Variants in AKT3 observed in about 807,000 individuals in gnomAD.
AKT3 encodes the protein AKT serine/threonine kinase 3.
AKT3 carries 15 observed loss-of-function variants against 65.3 expected under a neutral mutation model. The observed-to-expected ratio is 0.23, with a 90% CI of 0.15 to 0.35. The LOEUF is 0.35. AKT3 is among the 10% of genes least tolerant of loss of function. The pLI is 1.00. For synonymous variants in AKT3, 206 were observed against 183.8 expected, an observed-to-expected ratio of 1.12 and a Z score of -0.98; for missense variants, 243 against 576.5, an observed-to-expected ratio of 0.42 and a Z score of 5.92.
intron 2 of AKT3, among the ~76,000 whole-genome samples, chr1:243,784,050 A>G (rs1691088376): frequency 6.6e-6 from 1 of 152,222 alleles, no homozygotes; most frequent in Non-Finnish European, 1.5e-5. Context: ...GAGACAGCCA[A>G]CAAAAATATA....
intron 2 of AKT3, among the ~76,000 whole-genome samples, chr1:243,709,901 C>T (rs903130663): frequency 4.0e-5 from 6 of 151,854 alleles, no homozygotes; most frequent in African/African-American, 4.8e-5. Context: ...ACAAACTTCA[C>T]GATTTATGCT....
intron 2 of AKT3, among the ~76,000 whole-genome samples, chr1:243,700,784 G>A (rs1041426948): frequency 2.0e-5 from 3 of 152,204 alleles, no homozygotes; most frequent in Non-Finnish European, 4.4e-5. Context: ...TTACAGGCGT[G>A]AGCCACTGCG....
chr1:243,791,830 T>C (rs1246867758), intron 2 of AKT3, among the ~76,000 whole-genome samples: 1 of 152,234 alleles, frequency 6.6e-6, no homozygotes, highest in Non-Finnish European at 1.5e-5. Flanking sequence ...TGAATCAACA[T>C]GTTTATCTGC....
At position 243,512,432 on chromosome 1, in the gene AKT3, AAAAG is replaced by A; in HGVS notation, c.1252-10_1252-7del. The A allele has an allele frequency of 1.4e-6, 2 of 1,473,352 alleles. No individual in the cohort carries two copies. The highest frequency in any genetic ancestry group is 1.9e-6 in the Non-Finnish European group (2 of 1,077,560). 91.3% of individuals were successfully genotyped at this position (1,473,352 alleles called of 1,614,324 possible). On this transcript the variant is annotated splice_region_variant and splice_polypyrimidine_tract_variant and intron_variant, in intron 12 of 13. Coordinates refer to ENST00000673466, the MANE Select transcript of AKT3 (RefSeq NM_005465.7). ...GGTTTAAAAGGAGGTACAAGCTGTA[AAAAG>A]AAAGAAAAAGAGTTTTATTAACTGA... is the stretch of plus-strand genomic sequence containing the variant.
At chr1:243,507,594 A>G (rs1214854416) in intron 13 of AKT3, among the ~76,000 whole-genome samples, 2 of 152,226 alleles carry the variant, frequency 1.3e-5, no homozygotes, top group Non-Finnish European at 2.9e-5. Flanking sequence ...AATGTACACA[A>G]GTTAGTTCCT....
At chr1:243,540,150 G>T (rs989572499) in intron 12 of AKT3, among the ~76,000 whole-genome samples, 1 of 152,108 alleles carries the variant, frequency 6.6e-6, no homozygotes, top group Admixed American at 6.6e-5. Context: ...TTTAGGAAAA[G>T]AAGATGACAT....
rs918344063 is a variant in AKT3 at position 243,505,240 on chromosome 1, G to GA, written c.*8dup. 1 of 1,609,306 alleles carries GA rather than the reference G, an allele frequency of 6.2e-7. No homozygotes were observed. Among genetic ancestry groups the GA allele is most frequent in the African/African-American group, 1.3e-5 (1 of 74,826 alleles). ...GAAGATGACAGTGAAGTAGCAGAAT[G>GA]AAAGAGACTTATTCTCGTCCACTTG... is the stretch of plus-strand genomic sequence containing the variant. On this transcript the variant is annotated 3_prime_UTR_variant, in exon 14 of 14. Transcript: ENST00000673466.
At chr1:243,526,958 T>G (rs1176157844) in intron 12 of AKT3, among the ~76,000 whole-genome samples, 1 of 151,980 alleles carries the variant, frequency 6.6e-6, no homozygotes, top group African/African-American at 2.4e-5. Context: ...AGTGTATACT[T>G]TAAAGGGTGA....
intron 3 of AKT3, among the ~76,000 whole-genome samples, chr1:243,685,742 G>C (rs1402580810): frequency 6.6e-6 from 1 of 152,122 alleles, no homozygotes; most frequent in Non-Finnish European, 1.5e-5. Flanking sequence ...CATAGTATTG[G>C]AAGTTCTGGC....
intron 3 of AKT3, among the ~76,000 whole-genome samples, chr1:243,688,343 G>A (rs1336861321): frequency 1.3e-5 from 2 of 151,736 alleles, no homozygotes; most frequent in East Asian, 3.9e-4. Flanking sequence ...AAAGATATAG[G>A]CTATAAACAC....
chr1:243,559,704 T>C (rs1195033204), intron 10 of AKT3, among the ~76,000 whole-genome samples: 4 of 152,070 alleles, frequency 2.6e-5, no homozygotes, highest in Non-Finnish European at 4.4e-5. Flanking sequence ...AGATGAAGTA[T>C]AGGTTGCAGC....
chr1:243,765,420 T>A (rs1172811680), intron 2 of AKT3, among the ~76,000 whole-genome samples: 2 of 152,122 alleles, frequency 1.3e-5, no homozygotes, highest in Non-Finnish European at 2.9e-5. Context: ...CCAGCTTCCA[T>A]CTCCACCACT....
chr1:243,665,658 T>G (rs758080695), intron 3 of AKT3, among the ~76,000 whole-genome samples: 1 of 152,144 alleles, frequency 6.6e-6, no homozygotes, highest in Non-Finnish European at 1.5e-5. Context: ...TCTTCAACAG[T>G]TAAGTGGGAA....
chr1:243,834,814 T>A (rs188707254), intron 2 of AKT3, among the ~76,000 whole-genome samples: 12 of 151,372 alleles, frequency 7.9e-5, no homozygotes, highest in East Asian at 3.9e-4. Context: ...AGGAAAAAAA[T>A]TTTTTAACTG....
intron 8 of AKT3, among the ~76,000 whole-genome samples, chr1:243,579,823 A>C (rs1418147381): frequency 6.6e-6 from 1 of 152,244 alleles, no homozygotes; most frequent in East Asian, 1.9e-4. Flanking sequence ...GAACATGACA[A>C]TATATGATAA....
At chr1:243,591,131 G>C (rs983815667) in intron 8 of AKT3, among the ~76,000 whole-genome samples, 1 of 152,124 alleles carries the variant, frequency 6.6e-6, no homozygotes, top group African/African-American at 2.4e-5. Context: ...CAGAGCTCGA[G>C]AGATCTACAA....
At chr1:243,570,219 T>C (rs935894615) in intron 9 of AKT3, among the ~76,000 whole-genome samples, 2 of 152,228 alleles carry the variant, frequency 1.3e-5, no homozygotes, top group Non-Finnish European at 2.9e-5. Context: ...ATGGATTTAC[T>C]TGAGAAGTGC....
At chr1:243,649,531 T>G (rs1681138489) in intron 4 of AKT3, among the ~76,000 whole-genome samples, 1 of 152,018 alleles carries the variant, frequency 6.6e-6, no homozygotes, top group Non-Finnish European at 1.5e-5. Flanking sequence ...TCACCTATAT[T>G]AGGTTATTTC....
At chr1:243,846,761 T>C (rs1695539401) in intron 1 of AKT3, among the ~76,000 whole-genome samples, 1 of 152,206 alleles carries the variant, frequency 6.6e-6, no homozygotes, top group African/African-American at 2.4e-5. Flanking sequence ...TTATCACTGT[T>C]AACTGTAATA....
Sources: allele counts gnomAD v4.1 joint callset (sites outside exome capture counted in the v4.1 genomes callset), GRCh38; gene constraint gnomAD v4.1.1; transcripts MANE v1.5; gene names NCBI Gene and HGNC (gene_info 2026-07-23, HGNC 2026-07-21).